Variants in LSAMP observed in about 807,000 individuals in gnomAD.
The protein encoded by LSAMP is limbic system-associated membrane protein.
LSAMP carries 7 observed loss-of-function variants against 38.6 expected under a neutral mutation model. The ratio of observed to expected loss-of-function variants is 0.18; its 90% confidence interval spans 0.10 to 0.34. The LOEUF (loss-of-function observed/expected upper bound fraction) is 0.34, where lower values mean the gene tolerates loss of function less well. Among genes scored for constraint, LSAMP ranks in the 10% least tolerant of loss-of-function variants. The probability of loss-of-function intolerance (pLI) is 1.00; values close to 1 mark genes in which losing one functional copy is unlikely to be tolerated. For synonymous variants in LSAMP, 154 were observed against 166.8 expected (o/e 0.92, Z 0.59); for missense variants, 313 against 420.0 (o/e 0.75, Z 2.23).
At chr3:116,033,196 G>A (rs1940967506) in intron 2 of LSAMP, among the ~76,000 whole-genome samples, 1 of 151,940 alleles carries the variant, frequency 6.6e-6, no homozygotes, top group Non-Finnish European at 1.5e-5. Flanking sequence ...CCTCAATTTG[G>A]CCAACATGAA....
intron 1 of LSAMP, among the ~76,000 whole-genome samples, chr3:116,207,112 G>T (rs2046080693): frequency 2.0e-5 from 3 of 152,094 alleles, no homozygotes; most frequent in South Asian, 2.1e-4. Flanking sequence ...TATATATTTA[G>T]AATAGTTAGC....
intron 3 of LSAMP, among the ~76,000 whole-genome samples, chr3:115,870,353 G>A (rs1935997413): frequency 6.6e-6 from 1 of 152,148 alleles, no homozygotes; most frequent in Non-Finnish European, 1.5e-5. Flanking sequence ...TATAGTAGAT[G>A]AGAACAAAAG....
rs190987716 is a variant in LSAMP at position 115,954,116 on chromosome 3, T to C, written c.514+65399A>G. On this transcript the variant is annotated intron_variant, in intron 3 of 6. Transcript: ENST00000490035. ...TTCTGCCTTCTTCCCCACTCCCTCA[T>C]CCCGATTCCCAGTTGGTATGTTATA... Among the ~76,000 whole-genome samples, 389 of 152,338 alleles carry C rather than the reference T, an allele frequency of 2.6e-3. 1 individual carries two copies. The highest frequency in any genetic ancestry group is 9.1e-3 in the African/African-American group (379 of 41,578).
chr3:116,023,604 CA>C (rs71141849), intron 2 of LSAMP, among the ~76,000 whole-genome samples: 21,121 of 78,242 alleles, frequency 0.27, 1,158 homozygotes, highest in African/African-American at 0.38. Flanking sequence ...GACTCCGTCT[CA>C]AAAAAAAAAA....
chr3:115,899,985 A>G (rs998972923), intron 3 of LSAMP, among the ~76,000 whole-genome samples: 1 of 152,204 alleles, frequency 6.6e-6, no homozygotes, highest in Non-Finnish European at 1.5e-5. Flanking sequence ...GCCTCTATGT[A>G]CTATAATCCT....
intron 1 of LSAMP, among the ~76,000 whole-genome samples, chr3:116,341,090 T>C (rs1256322847): frequency 6.6e-6 from 1 of 151,996 alleles, no homozygotes; most frequent in Non-Finnish European, 1.5e-5. Context: ...TTTAAACACT[T>C]TAAAAATGGA....
At chr3:115,893,878 A>G (rs1030050577) in intron 3 of LSAMP, among the ~76,000 whole-genome samples, 41 of 151,962 alleles carry the variant, frequency 2.7e-4, no homozygotes, top group African/African-American at 9.9e-4. Context: ...ATCGAGATAG[A>G]TGACCGTGCT....
At chr3:116,406,233 C>T (rs2048895973) in intron 1 of LSAMP, among the ~76,000 whole-genome samples, 1 of 151,960 alleles carries the variant, frequency 6.6e-6, no homozygotes, top group South Asian at 2.1e-4. Context: ...CAGTACAGGC[C>T]ACAACCACCA....
intron 3 of LSAMP, among the ~76,000 whole-genome samples, chr3:115,891,489 T>C (rs1936599225): frequency 6.6e-6 from 1 of 151,990 alleles, no homozygotes; most frequent in Non-Finnish European, 1.5e-5. Flanking sequence ...AACATATGAG[T>C]GATCTCAGGT....
chr3:115,821,212 T>C (rs1405154003), intron 6 of LSAMP, among the ~76,000 whole-genome samples: 1 of 152,192 alleles, frequency 6.6e-6, no homozygotes. Context: ...TTGGAAACTC[T>C]ACAGTTTATA....
intron 6 of LSAMP, among the ~76,000 whole-genome samples, chr3:115,819,335 G>A (rs991747182): frequency 2.0e-5 from 3 of 151,716 alleles, no homozygotes; most frequent in African/African-American, 7.3e-5. Context: ...CTTGGGAGGC[G>A]GAGGCAGGAG....
At chr3:116,293,308 T>A (rs2047292125) in intron 1 of LSAMP, among the ~76,000 whole-genome samples, 1 of 152,218 alleles carries the variant, frequency 6.6e-6, no homozygotes, top group South Asian at 2.1e-4. Flanking sequence ...GGGCATCAGT[T>A]GTCCTGAAGA....
intron 3 of LSAMP, among the ~76,000 whole-genome samples, chr3:115,855,630 C>T (rs1935483503): frequency 6.6e-6 from 1 of 152,200 alleles, no homozygotes; most frequent in Admixed American, 6.5e-5. Context: ...GGGGAAACTA[C>T]ACCGTATTCC....
chr3:116,371,588 G>A (rs892441693), intron 1 of LSAMP, among the ~76,000 whole-genome samples: 1 of 152,010 alleles, frequency 6.6e-6, no homozygotes, highest in Non-Finnish European at 1.5e-5. Context: ...CATAATCAAT[G>A]GTGAAAGACT....
chr3:116,156,640 T>G (rs572650136), intron 1 of LSAMP, among the ~76,000 whole-genome samples: 8 of 152,220 alleles, frequency 5.3e-5, no homozygotes, highest in African/African-American at 1.7e-4. Flanking sequence ...GTATTAATCT[T>G]CTACACAGTG....
At chr3:116,011,739 T>C (rs1429294704) in intron 3 of LSAMP, among the ~76,000 whole-genome samples, 1 of 151,450 alleles carries the variant, frequency 6.6e-6, no homozygotes, top group African/African-American at 2.5e-5. Context: ...CTCAAGATAA[T>C]GTGTGAAATT....
intron 3 of LSAMP, among the ~76,000 whole-genome samples, chr3:115,887,411 G>A (rs1003742258): frequency 3.3e-5 from 5 of 151,934 alleles, no homozygotes; most frequent in African/African-American, 1.2e-4. Context: ...ACAAAGTTCT[G>A]CATATTAAGA....
intron 1 of LSAMP, among the ~76,000 whole-genome samples, chr3:116,282,576 A>G (rs1248653499): frequency 6.6e-6 from 1 of 152,184 alleles, no homozygotes; most frequent in Non-Finnish European, 1.5e-5. Flanking sequence ...GTCTCTATAC[A>G]TGGATGCCTC....
At chr3:115,974,182 A>G (rs112033038) in intron 3 of LSAMP, among the ~76,000 whole-genome samples, 2,451 of 151,988 alleles carry the variant, frequency 0.016, 47 homozygotes, top group African/African-American at 0.054. Flanking sequence ...CCCCTCTACT[A>G]AAAATACAAA....
Sources: allele counts gnomAD v4.1 joint callset (sites outside exome capture counted in the v4.1 genomes callset), GRCh38; gene constraint gnomAD v4.1.1; transcripts MANE v1.5; gene names NCBI Gene and HGNC (gene_info 2026-07-23, HGNC 2026-07-21).